The following NDUFAF6 variants were observed in gnomAD, a reference collection of about 807,000 sequenced individuals.
The protein encoded by NDUFAF6 is NADH dehydrogenase (ubiquinone) complex I, assembly factor 6.
Under a neutral mutation model 40.8 loss-of-function variants are expected in NDUFAF6, and 45 were observed. The ratio of observed to expected loss-of-function variants is 1.10; its 90% CI spans 0.87 to 1.42. The LOEUF is 1.42. Ranked by LOEUF, NDUFAF6 falls within the 40% of genes most tolerant of loss-of-function variation. NDUFAF6 has a pLI of 0.00. For synonymous variants in NDUFAF6, 185 were observed against 155.9 expected, an observed-to-expected ratio of 1.19 and a Z score of -1.39; for missense variants, 435 against 418.5, an observed-to-expected ratio of 1.04 and a Z score of -0.34.
chr8:95,047,655 G>A (rs993814732), intron 6 of NDUFAF6, among the ~76,000 whole-genome samples: 7 of 150,744 alleles, frequency 4.6e-5, no homozygotes, highest in African/African-American at 1.2e-4. Flanking sequence ...GACTACAGGC[G>A]CCCGCCACCA....
At chr8:95,016,015 G>A (rs747874473) in intron 2 of NDUFAF6, among the ~76,000 whole-genome samples, 2 of 152,102 alleles carry the variant, frequency 1.3e-5, no homozygotes, top group African/African-American at 2.4e-5. Flanking sequence ...CTGTTATCCC[G>A]GATGCTTACC....
intron 1 of NDUFAF6, among the ~76,000 whole-genome samples, chr8:94,913,968 T>C (rs1051747233): frequency 2.0e-5 from 3 of 152,148 alleles, no homozygotes; most frequent in Non-Finnish European, 4.4e-5. Context: ...ATTTTTGTAT[T>C]TTTAATAGAG....
intron 1 of NDUFAF6, among the ~76,000 whole-genome samples, chr8:94,901,243 C>T (rs1817996561): frequency 6.6e-6 from 1 of 152,142 alleles, no homozygotes; most frequent in East Asian, 1.9e-4. Flanking sequence ...GAAGGAGATG[C>T]AGTGAGAATG....
chr8:94,907,596 A>T (rs1035129907), intron 1 of NDUFAF6, among the ~76,000 whole-genome samples: 2 of 152,188 alleles, frequency 1.3e-5, no homozygotes, highest in African/African-American at 4.8e-5. Flanking sequence ...AAAAGCTGCT[A>T]CTTGTCCAAG....
intron 8 of NDUFAF6, among the ~76,000 whole-genome samples, chr8:95,054,596 C>T (rs990337446): frequency 1.3e-5 from 2 of 151,912 alleles, no homozygotes; most frequent in Admixed American, 6.6e-5. Flanking sequence ...CACCATGCCC[C>T]GCTAATTTTT....
At chr8:95,011,955 T>C (rs1220503391) in intron 2 of NDUFAF6, among the ~76,000 whole-genome samples, 2 of 152,192 alleles carry the variant, frequency 1.3e-5, no homozygotes, top group African/African-American at 4.8e-5. Context: ...TATGCATCAT[T>C]ATGAAGACTG....
intron 2 of NDUFAF6, chr8:95,085,685 T>TAAAGG: frequency 6.7e-6 from 1 of 148,634 alleles, no homozygotes; most frequent in South Asian, 2.1e-4. Flanking sequence ...AAAAAAAAAT[T>TAAAGG]TTAAGAGATA....
At chr8:95,015,681 C>T (rs1281889124) in intron 2 of NDUFAF6, among the ~76,000 whole-genome samples, 1 of 152,172 alleles carries the variant, frequency 6.6e-6, no homozygotes, top group Non-Finnish European at 1.5e-5. Flanking sequence ...AGTAGAAGAA[C>T]CAAACAAACT....
At chr8:94,964,201 G>C (rs1185832125) in intron 1 of NDUFAF6, among the ~76,000 whole-genome samples, 3 of 152,172 alleles carry the variant, frequency 2.0e-5, no homozygotes, top group African/African-American at 7.2e-5. Flanking sequence ...GCTGAGGTGG[G>C]AGGACCCCTT....
In NDUFAF6 at chr8:95,003,297, T is replaced by C. The variant is rs533457070; in HGVS notation, c.-84+22324T>C. Among the ~76,000 whole-genome samples the C allele has an allele frequency of 2.6e-5, 4 of 152,332 alleles. No homozygotes were observed. In the East Asian group the frequency reaches 5.8e-4, roughly 22 times the overall value. On this transcript the variant is annotated intron_variant, in intron 2 of 9. Coordinates refer to the NDUFAF6 transcript ENST00000396111. ...CAATAAAATATGACAAAGGCTCTAA[T>C]AGAGATATGTATTAAGTGCCATTAG...
chr8:95,018,677 T>C (rs1827568013), intron 2 of NDUFAF6, among the ~76,000 whole-genome samples: 1 of 152,208 alleles, frequency 6.6e-6, no homozygotes, highest in African/African-American at 2.4e-5. Context: ...CAAATTGTAT[T>C]GAACTGATTG....
intron 1 of NDUFAF6, among the ~76,000 whole-genome samples, chr8:94,906,365 G>A (rs1818391831): frequency 6.6e-6 from 1 of 152,128 alleles, no homozygotes; most frequent in South Asian, 2.1e-4. Flanking sequence ...CTTCCATGTG[G>A]TAGCTGTTGT....
downstream of NDUFAF6, among the ~76,000 whole-genome samples, chr8:95,117,002 T>A (rs1394496868): frequency 6.6e-6 from 1 of 152,208 alleles, no homozygotes. Context: ...TGTTTCCTTG[T>A]TCATGACAGC....
intron 1 of NDUFAF6, among the ~76,000 whole-genome samples, chr8:95,028,705 T>C (rs1828461840): frequency 6.6e-6 from 1 of 152,182 alleles, no homozygotes; most frequent in Non-Finnish European, 1.5e-5. Context: ...AATTGGGAAA[T>C]AGACAGGAGT....
At chr8:94,931,780 T>C (rs1820427033) in intron 1 of NDUFAF6, among the ~76,000 whole-genome samples, 1 of 152,114 alleles carries the variant, frequency 6.6e-6, no homozygotes, top group Non-Finnish European at 1.5e-5. Flanking sequence ...AAGACCAGCC[T>C]GGCCAACATG....
Position 95,058,264 on chromosome 8 carries a change from C to G in NDUFAF6, c.*327C>G. ...GCCAGTGGGCAGGGAGAAGGAATGT[C>G]ATTCTCCCTTCACCACTGGGGAAGG... is the stretch of plus-strand genomic sequence containing the variant. On this transcript the variant is annotated 3_prime_UTR_variant, in exon 9 of 9. Transcript: ENST00000396124. 1.5e-6 allele frequency: 2 copies of G among 1,307,860 alleles called. No individual in the cohort carries two copies. Among genetic ancestry groups the G allele is most frequent in the Non-Finnish European group, 1.9e-6 (2 of 1,033,562 alleles). The allele number at this position is 1,307,860 out of a possible 1,614,324, so 81.0% of individuals were successfully genotyped here. A position where few individuals can be genotyped will look rare whatever the true frequency, so the allele number is the denominator to read the frequency against.
At chr8:95,089,179 G>T (rs1387301838) in intron 2 of NDUFAF6, among the ~76,000 whole-genome samples, 1 of 152,110 alleles carries the variant, frequency 6.6e-6, no homozygotes, top group Non-Finnish European at 1.5e-5. Flanking sequence ...TCCTACCTCA[G>T]CCTCTTGAGT....
chr8:94,961,222 C>G (rs534111101), intron 1 of NDUFAF6, among the ~76,000 whole-genome samples: 16 of 152,318 alleles, frequency 1.1e-4, no homozygotes, highest in Non-Finnish European at 2.2e-4. Flanking sequence ...TCATTTTTGT[C>G]CTTGAACTCC....
At chr8:94,925,942 G>A (rs1466192818) in intron 1 of NDUFAF6, 2 of 152,548 alleles carry the variant, frequency 1.3e-5, no homozygotes, top group African/African-American at 4.8e-5. Context: ...TAATATTAAT[G>A]AGTATAAAGA....
Sources: allele counts gnomAD v4.1 joint callset (sites outside exome capture counted in the v4.1 genomes callset), GRCh38; gene constraint gnomAD v4.1.1; transcripts MANE v1.5; gene names NCBI Gene and HGNC (gene_info 2026-07-23, HGNC 2026-07-21).